Variants in GALNT10 observed in about 807,000 individuals in gnomAD.
The protein encoded by GALNT10 is GalNAc transferase 10.
In GALNT10, 41 loss-of-function variants were observed where a neutral mutation model predicts 75.0. The ratio of observed to expected loss-of-function variants is 0.55; its 90% CI spans 0.43 to 0.71. The LOEUF is 0.71. Among genes scored for constraint, GALNT10 ranks in the 30% least tolerant of loss-of-function variants. The pLI is 0.00. For missense variants in GALNT10, 727 were observed against 818.5 expected, an observed-to-expected ratio of 0.89 and a Z score of 1.36; for synonymous variants, 302 against 313.0, an observed-to-expected ratio of 0.96 and a Z score of 0.37.
chr5:154,192,791 C>T (rs1242857506), intron 1 of GALNT10, among the ~76,000 whole-genome samples: 1 of 152,030 alleles, frequency 6.6e-6, no homozygotes, highest in African/African-American at 2.4e-5. Context: ...ATAGCTGTAG[C>T]CCATTCTAAA....
intron 1 of GALNT10, among the ~76,000 whole-genome samples, chr5:154,228,595 TAACAAATTCTC>T (rs1007806053): frequency 5.3e-5 from 8 of 152,368 alleles, no homozygotes; most frequent in Non-Finnish European, 1.0e-4. Context: ...GCTGGCATAG[TAACAAATTCTC>T]AAGAGAGATT....
At chr5:154,225,090 G>GT (rs1234485197) in intron 1 of GALNT10, among the ~76,000 whole-genome samples, 1 of 144,574 alleles carries the variant, frequency 6.9e-6, no homozygotes, top group Admixed American at 6.9e-5. Flanking sequence ...CCTTTTTGGG[G>GT]TTTTTTTGTT....
At chr5:154,349,278 G>A (rs889113933) in intron 4 of GALNT10, 1 of 152,078 alleles carries the variant, frequency 6.6e-6, no homozygotes, top group African/African-American at 2.4e-5. Flanking sequence ...CTGAGTTACT[G>A]TACCTCTGTC....
At chr5:154,386,574 G>A (rs1467821519) in intron 7 of GALNT10, 144 bp downstream of exon 7, 2 of 668,906 alleles carry the variant, frequency 3.0e-6, no homozygotes, top group Non-Finnish European at 2.7e-6. Context: ...GAAGAAGACA[G>A]GGGCTCATGG....
chr5:154,351,756 G>C (rs1395187542), intron 4 of GALNT10, among the ~76,000 whole-genome samples: 1 of 152,172 alleles, frequency 6.6e-6, no homozygotes, highest in African/African-American at 2.4e-5. Context: ...TTGGCCATCT[G>C]ACTGCTTCCA....
rs1302741869 is a variant in GALNT10, at chr5:154,294,908, T to G, written c.252T>G (p.Ala84=). The G allele has an allele frequency of 6.5e-7, 1 of 1,544,524 alleles. No homozygotes were observed. The highest frequency in any genetic ancestry group is 1.7e-5 in the Admixed American group (1 of 59,930). The part of the protein sequence containing the change: ...WHDKEAIRRD[A]QRVGNGEQGR... ...ACAAGGAGGCCATCCGGAGGGACGC[T>G]CAGCGCGTAGGTACGGAGGGCAGGA... Residue 84 remains alanine, a synonymous_variant, in exon 2 of 12, where the codon GCT becomes GCG. Transcript: ENST00000297107.
At chr5:154,405,456 G>C (rs533948504) in intron 8 of GALNT10, among the ~76,000 whole-genome samples, 13 of 152,200 alleles carry the variant, frequency 8.5e-5, no homozygotes, top group East Asian at 1.9e-4. Flanking sequence ...CGACACGGGC[G>C]GGGGGTAGGT....
chr5:154,338,989 C>G (rs951569469), intron 4 of GALNT10, among the ~76,000 whole-genome samples: 6 of 152,146 alleles, frequency 3.9e-5, no homozygotes, highest in African/African-American at 1.5e-4. Context: ...GCCGTGCAGG[C>G]ACAATGACTG....
At chr5:154,202,853 G>A (rs923922882) in intron 1 of GALNT10, among the ~76,000 whole-genome samples, 1 of 152,134 alleles carries the variant, frequency 6.6e-6, no homozygotes. Flanking sequence ...GGGTCTCCCA[G>A]CAGAGTCAGC....
At chr5:154,215,790 A>G (rs1752861150) in intron 1 of GALNT10, among the ~76,000 whole-genome samples, 1 of 152,180 alleles carries the variant, frequency 6.6e-6, no homozygotes, top group South Asian at 2.1e-4. Context: ...TACTTGTTCA[A>G]GGGGATCTGG....
At chr5:154,282,858 T>A (rs1561649466) in intron 1 of GALNT10, among the ~76,000 whole-genome samples, 1 of 152,264 alleles carries the variant, frequency 6.6e-6, no homozygotes, top group Non-Finnish European at 1.5e-5. Flanking sequence ...CAGAAATTGA[T>A]GTCTTCTCAT....
rs370851772 is a variant in GALNT10 at position 154,385,154 on chromosome 5, A to G, written c.939-1159A>G. Among the ~76,000 whole-genome samples the G allele has an allele frequency of 2.1e-4, 32 of 151,996 alleles. No homozygotes were observed. The East Asian group carries it at 5.2e-3, about 25-fold the overall frequency. ...AGGGGGAATGGAGGTTGCTGCTGGAATGTTTGGATTTGAGGGTTTGGAGTT... is the reference window on the plus strand; with the variant it reads ...AGGGGGAATGGAGGTTGCTGCTGGAGTGTTTGGATTTGAGGGTTTGGAGTT... On this transcript the variant is annotated intron_variant, in intron 6 of 11. Transcript: ENST00000297107.
Position 154,418,008 on chromosome 5 carries a change from T to C in GALNT10, c.*1036T>C, listed in dbSNP as rs1756550249. The C allele has an allele frequency of 6.6e-6, 1 of 152,242 alleles. No homozygotes were observed. Among genetic ancestry groups the C allele is most frequent in the South Asian group, 2.1e-4 (1 of 4,832 alleles). 9.4% of individuals were successfully genotyped at this position (152,242 alleles called of 1,614,324 possible). A position where few individuals can be genotyped will look rare whatever the true frequency, so the allele number is the denominator to read the frequency against. ...CTAGTTCTCATACAGAACTCCAGAA[T>C]TTTTAAAGAACTCTATAATTGGATT... On this transcript the variant is annotated 3_prime_UTR_variant, in exon 12 of 12. Transcript: ENST00000297107.
chr5:154,338,592 A>G (rs905606515), intron 4 of GALNT10: 1 of 164,182 alleles, frequency 6.1e-6, no homozygotes, highest in African/African-American at 2.4e-5. Flanking sequence ...TTTGTCTTTT[A>G]ATAGCTAGAT....
chr5:154,239,465 A>G (rs1254861478), intron 1 of GALNT10, among the ~76,000 whole-genome samples: 1 of 152,246 alleles, frequency 6.6e-6, no homozygotes. Context: ...AGGTTCTCAT[A>G]GGAGCCAAAC....
At chr5:154,382,303 C>T (rs908858045) in intron 6 of GALNT10, among the ~76,000 whole-genome samples, 2 of 152,232 alleles carry the variant, frequency 1.3e-5, no homozygotes, top group African/African-American at 4.8e-5. Context: ...TCCATGTCTC[C>T]AGCAGCAGGT....
intron 1 of GALNT10, among the ~76,000 whole-genome samples, chr5:154,233,724 T>C (rs915015563): frequency 2.6e-5 from 4 of 152,182 alleles, no homozygotes; most frequent in Admixed American, 1.3e-4. Context: ...ATGTTTGTGA[T>C]ACTGTGCTAG....
chr5:154,384,529 T>C (rs1451613201), intron 6 of GALNT10, among the ~76,000 whole-genome samples: 1 of 152,224 alleles, frequency 6.6e-6, no homozygotes, highest in Non-Finnish European at 1.5e-5. Context: ...ACAGCACATG[T>C]CAGTTCATAC....
chr5:154,309,036 AT>A (rs1275781994), intron 3 of GALNT10, among the ~76,000 whole-genome samples: 1 of 152,196 alleles, frequency 6.6e-6, no homozygotes, highest in African/African-American at 2.4e-5. Context: ...GCAATAAGTG[AT>A]GTGGGGAAAA....
Sources: allele counts gnomAD v4.1 joint callset (sites outside exome capture counted in the v4.1 genomes callset), GRCh38; gene constraint gnomAD v4.1.1; transcripts MANE v1.5; gene names NCBI Gene and HGNC (gene_info 2026-07-23, HGNC 2026-07-21).